SRP19: variants seen among roughly 807,000 people sequenced by gnomAD.
SRP19 encodes the protein signal recognition particle 19, also known as signal recognition particle 19 kDa protein.
SRP19 carries 11 observed loss-of-function variants against 22.4 expected under a neutral mutation model. That is an observed-to-expected ratio of 0.49 (90% confidence interval 0.31 to 0.81). The LOEUF is 0.81. SRP19 is among the 40% of genes least tolerant of loss of function. SRP19 has a pLI of 0.05. For missense variants in SRP19, 168 were observed against 175.9 expected, an observed-to-expected ratio of 0.96 and a Z score of 0.25; for synonymous variants, 61 against 57.6, an observed-to-expected ratio of 1.06 and a Z score of -0.27.
chr5:112,893,094 TAAAAAA>T (rs552226372), downstream of SRP19: 32,353 of 496,850 alleles, frequency 0.065, 52 homozygotes, highest in Middle Eastern at 0.082. Context: ...GTTTTGTTCT[TAAAAAA>T]AAAAAAAAAA....
downstream of SRP19, chr5:112,895,497 T>TAAGTC (rs10684554): frequency 0.57 from 85,560 of 151,338 alleles, 26,684 homozygotes; most frequent in African/African-American, 0.85. Flanking sequence ...CTGGATGAAT[T>TAAGTC]AAGTGTCCAC....
downstream of SRP19, chr5:112,895,284 G>A (rs1252587467): frequency 1.4e-5 from 2 of 147,590 alleles, no homozygotes; most frequent in South Asian, 4.4e-4. Context: ...TGTGTTTTAT[G>A]ACTTTAGGCA....
chr5:112,863,215 C>G (rs1437909030), intron 2 of SRP19, among the ~76,000 whole-genome samples: 1 of 152,176 alleles, frequency 6.6e-6, no homozygotes, highest in African/African-American at 2.4e-5. Context: ...GACTTCAACA[C>G]CATAGATTAC....
At chr5:112,890,836 A>C (rs1768416643) in intron 4 of SRP19, among the ~76,000 whole-genome samples, 1 of 150,878 alleles carries the variant, frequency 6.6e-6, no homozygotes, top group African/African-American at 2.5e-5. Context: ...TATACAAGTT[A>C]CTTAATCACT....
chr5:112,864,853 C>CAGG, intron 4 of SRP19, 121 bp downstream of exon 4: 2 of 693,876 alleles, frequency 2.9e-6, no homozygotes, highest in Non-Finnish European at 4.8e-6. Context: ...AATTTAAAGA[C>CAGG]AGGACTACTG....
intron 1 of SRP19, 25 bp from the exon 2 acceptor site, chr5:112,862,483 C>T (rs955147284): frequency 5.0e-6 from 8 of 1,604,558 alleles, no homozygotes; most frequent in Non-Finnish European, 6.8e-6. Flanking sequence ...TCTAGTGATA[C>T]CACTTATGCT....
exon 5 of SRP19, chr5:112,893,013 C>A: frequency 3.9e-6 from 6 of 1,557,776 alleles, no homozygotes; most frequent in Non-Finnish European, 5.3e-6. Flanking sequence ...CCTCTAGGTG[C>A]CGAAGTCGTG....
At chr5:112,873,271 C>CTTTTTTTTTTTTTTTT (rs35379154), downstream of SRP19, among the ~76,000 whole-genome samples, 4 of 50,720 alleles carry the variant, frequency 7.9e-5, no homozygotes, top group Admixed American at 3.0e-4. Flanking sequence ...CTCAGGTTTT[C>CTTTTTTTTTTTTTTTT]TTTTTTTTTT....
intron 2 of SRP19, among the ~76,000 whole-genome samples, chr5:112,863,487 C>G (rs1162550300): frequency 6.6e-6 from 1 of 152,108 alleles, no homozygotes; most frequent in Non-Finnish European, 1.5e-5. Flanking sequence ...TCAGCCCCCT[C>G]CAGCCCCCCA....
chr5:112,897,924 T>A (rs1278510188), downstream of SRP19: 1 of 152,124 alleles, frequency 6.6e-6, no homozygotes, highest in Non-Finnish European at 1.5e-5. Context: ...CTGGGTGTGG[T>A]GGTGCGTGCC....
chr5:112,896,278 G>C (rs1349245578), downstream of SRP19: 1 of 152,612 alleles, frequency 6.6e-6, no homozygotes, highest in Non-Finnish European at 1.5e-5. Context: ...CTAGCACTCT[G>C]GGAGGCTGAG....
chr5:112,892,991 G>A (rs781736173), exon 5 of SRP19: 71 of 1,580,214 alleles, frequency 4.5e-5, no homozygotes, highest in Non-Finnish European at 5.3e-5. Flanking sequence ...CACCGCAGCC[G>A]GAGCCAAAGT....
intron 4 of SRP19, among the ~76,000 whole-genome samples, chr5:112,865,657 G>T (rs145563596): frequency 1.3e-5 from 2 of 150,986 alleles, no homozygotes; most frequent in Admixed American, 1.3e-4. Context: ...ACAGTGGCGC[G>T]ATCTCAGCTC....
downstream of SRP19, chr5:112,893,116 A>AAAAAAAAAAAAAAAAAAAAAAAAAAC (rs1768550572): frequency 1.2e-6 from 1 of 809,776 alleles, no homozygotes; most frequent in Non-Finnish European, 1.8e-6. Flanking sequence ...AAAAAAAAAA[A>AAAAAAAAAAAAAAAAAAAAAAAAAAC]AGAATGGACC....
At chr5:112,879,524 A>G (rs1440144249) in intron 4 of SRP19, among the ~76,000 whole-genome samples, 3 of 152,134 alleles carry the variant, frequency 2.0e-5, no homozygotes, top group Non-Finnish European at 2.9e-5. Flanking sequence ...CCCAGCCTGG[A>G]GTGCAGTGGC....
chr5:112,869,455 G>A lies in SRP19; in HGVS notation c.*1918G>A, dbSNP rs1767707006. 6.6e-6 allele frequency: 1 copy of A among 152,190 alleles called. No homozygotes were observed. Among genetic ancestry groups the A allele is most frequent in the African/African-American group, 2.4e-5 (1 of 41,430 alleles). 9.4% of individuals were successfully genotyped at this position (152,190 alleles called of 1,614,324 possible). A position where few individuals can be genotyped will look rare whatever the true frequency, so the allele number is the denominator to read the frequency against. ...CAGGTCCATCTCTAGCTGCAAAGGAGGCTGAGAAAGTGAACACAGCAGTCC... is the reference window on the plus strand; with the variant it reads ...CAGGTCCATCTCTAGCTGCAAAGGAAGCTGAGAAAGTGAACACAGCAGTCC... On this transcript the variant is annotated 3_prime_UTR_variant, in exon 5 of 5. Coordinates refer to ENST00000505459, the MANE Select transcript of SRP19 (RefSeq NM_003135.3).
At chr5:112,880,954 C>A (rs1040755692) in intron 4 of SRP19, among the ~76,000 whole-genome samples, 1 of 151,938 alleles carries the variant, frequency 6.6e-6, no homozygotes, top group African/African-American at 2.4e-5. Flanking sequence ...CATGGCATAA[C>A]GGTGTCTCTA....
At chr5:112,870,475 C>CAA (rs375704872), downstream of SRP19, among the ~76,000 whole-genome samples, 1,767 of 141,084 alleles carry the variant, frequency 0.013, 9 homozygotes, top group Middle Eastern at 0.035. Flanking sequence ...GACCCTGTCT[C>CAA]AAAAAAAAAA....
chr5:112,863,088 G>A (rs1295477684), intron 2 of SRP19, among the ~76,000 whole-genome samples: 1 of 152,102 alleles, frequency 6.6e-6, no homozygotes, highest in Non-Finnish European at 1.5e-5. Flanking sequence ...ACATCTGGGT[G>A]GTAACAAGCA....
Sources: allele counts gnomAD v4.1 joint callset (sites outside exome capture counted in the v4.1 genomes callset), GRCh38; gene constraint gnomAD v4.1.1; transcripts MANE v1.5; gene names NCBI Gene and HGNC (gene_info 2026-07-23, HGNC 2026-07-21).